Variants in TCEANC2 observed in about 807,000 individuals in gnomAD.
TCEANC2 encodes transcription elongation factor A N-terminal and central domain containing 2, also known as transcription elongation factor A N-terminal and central domain-containing protein 2.
In TCEANC2, 20 loss-of-function variants were observed where a neutral mutation model predicts 22.8. The ratio of observed to expected loss-of-function variants is 0.88; its 90% CI spans 0.62 to 1.28. TCEANC2 has a LOEUF of 1.28. Ranked by LOEUF, TCEANC2 falls within the 50% of genes most tolerant of loss-of-function variation. TCEANC2 has a pLI of 0.00. For synonymous variants in TCEANC2, 84 were observed against 95.5 expected (o/e 0.88, Z 0.70); for missense variants, 251 against 249.7 (o/e 1.01, Z -0.03).
rs767051586 is a variant in TCEANC2, at chr1:54,070,467, G to A, written c.244+1570G>A. 5.9e-5 allele frequency among the ~76,000 whole-genome samples: 9 copies of A among 152,092 alleles called. No homozygotes were observed. The South Asian group carries it at 1.7e-3, about 28-fold the overall frequency. ...AAAAAATAATTTCTATTTGGTGTTC[G>A]AGTGTAATTGTGAGTATGCTTTCAA... On this transcript the variant is annotated intron_variant, in intron 3 of 4. Transcript: ENST00000234827.
At chr1:54,071,799 G>A (rs1180986867) in intron 3 of TCEANC2, among the ~76,000 whole-genome samples, 1 of 151,824 alleles carries the variant, frequency 6.6e-6, no homozygotes, top group Non-Finnish European at 1.5e-5. Context: ...AAAATTTACA[G>A]CAATTATCTT....
At chr1:54,087,474 AT>A (rs1459487073) in intron 3 of TCEANC2, among the ~76,000 whole-genome samples, 1 of 152,178 alleles carries the variant, frequency 6.6e-6, no homozygotes, top group Non-Finnish European at 1.5e-5. Context: ...ACCTTTTGTC[AT>A]TTCAACTCTA....
chr1:54,062,598 A>G (rs532880463), intron 2 of TCEANC2, among the ~76,000 whole-genome samples: 3 of 152,378 alleles, frequency 2.0e-5, no homozygotes, highest in African/African-American at 7.2e-5. Flanking sequence ...TGCAGAAAGC[A>G]TAGATGCAAT....
intron 3 of TCEANC2, among the ~76,000 whole-genome samples, chr1:54,074,868 A>G (rs977671091): frequency 1.3e-5 from 2 of 152,218 alleles, no homozygotes; most frequent in Non-Finnish European, 2.9e-5. Flanking sequence ...GTATTGAAAG[A>G]AAAGAGAGGT....
intron 3 of TCEANC2, among the ~76,000 whole-genome samples, chr1:54,073,436 G>A (rs1350006467): frequency 2.0e-5 from 3 of 152,104 alleles, no homozygotes; most frequent in Non-Finnish European, 2.9e-5. Context: ...TCCCCTCCTC[G>A]CTACTGGCCC....
chr1:54,068,583 C>G (rs897583068), intron 2 of TCEANC2, among the ~76,000 whole-genome samples, 173 bp from the exon 3 acceptor site: 1 of 152,158 alleles, frequency 6.6e-6, no homozygotes, highest in East Asian at 1.9e-4. Context: ...TGCACTAAGC[C>G]GTACCTGCTT....
rs36005233 is a variant in TCEANC2 at position 54,099,743 on chromosome 1, CAAAAA to C, written c.*3283_*3287del. The C allele has an allele frequency of 1.8e-5, 2 of 108,226 alleles. No homozygotes were observed. The highest frequency in any genetic ancestry group is 4.0e-5 in the Non-Finnish European group (2 of 50,186). 6.7% of individuals were successfully genotyped at this position (108,226 alleles called of 1,614,324 possible). A position where few individuals can be genotyped will look rare whatever the true frequency, so the allele number is the denominator to read the frequency against. ...TGGGCAACAGAGTGAGACTCTGTCT[CAAAAA>C]AAAAAAAAAAAAGAGAAAAAGAAAA... On this transcript the variant is annotated 3_prime_UTR_variant, in exon 5 of 5. Coordinates refer to ENST00000234827, the MANE Select transcript of TCEANC2 (RefSeq NM_153035.3).
At chr1:54,110,627 CA>C (rs567691582), downstream of TCEANC2, among the ~76,000 whole-genome samples, 37 of 151,952 alleles carry the variant, frequency 2.4e-4, no homozygotes, top group South Asian at 7.7e-3. Context: ...CAAAACAAAA[CA>C]AAAAAACAAC....
rs1452693137 is a variant in TCEANC2, at chr1:54,100,599, C to T, written c.*4126C>T. On this transcript the variant is annotated 3_prime_UTR_variant, in exon 5 of 5. Coordinates refer to ENST00000234827, the MANE Select transcript of TCEANC2 (RefSeq NM_153035.3). ...AAAGCCAGAAGGATAGGTAGGAGTT[C>T]TTAGCAGAGGGCTCAGTCTATGTGA... 1 of 152,236 alleles carries T rather than the reference C, an allele frequency of 6.6e-6. No homozygotes were observed. Among genetic ancestry groups the T allele is most frequent in the African/African-American group, 2.4e-5 (1 of 41,448 alleles). 9.4% of individuals were successfully genotyped at this position (152,236 alleles called of 1,614,324 possible). A position where few individuals can be genotyped will look rare whatever the true frequency, so the allele number is the denominator to read the frequency against.
chr1:54,072,247 A>G (rs1017815036), intron 3 of TCEANC2, among the ~76,000 whole-genome samples: 2 of 151,874 alleles, frequency 1.3e-5, no homozygotes, highest in African/African-American at 4.8e-5. Context: ...TCCTTGTCTG[A>G]CTCAGCATTG....
chr1:54,067,332 T>C (rs889652866), intron 2 of TCEANC2, among the ~76,000 whole-genome samples: 18 of 151,810 alleles, frequency 1.2e-4, no homozygotes, highest in African/African-American at 4.1e-4. Context: ...CTGTGGGAGG[T>C]GGGTTGCCAA....
At chr1:54,068,931 G>T (rs768007156) in intron 3 of TCEANC2, 34 bp downstream of exon 3, 1 of 1,498,896 alleles carries the variant, frequency 6.7e-7, no homozygotes, top group South Asian at 1.4e-5. Flanking sequence ...TTTTAAGAAA[G>T]CTTATATTTT....
chr1:54,054,540 G>T lies in TCEANC2; in HGVS notation c.102+16G>T, dbSNP rs1453169187. ...ATCTCTGAAGGTGAGAGGGGATCTG[G>T]GGCTAGAGGAAATGTGCAAAGGACT... On this transcript the variant is annotated intron_variant, in intron 2 of 4. Transcript: ENST00000234827. The T allele has an allele frequency of 2.5e-6, 4 of 1,606,402 alleles. No homozygotes were observed. The highest frequency in any genetic ancestry group is 3.4e-6 in the Non-Finnish European group (4 of 1,176,614).
At chr1:54,086,958 A>C (rs1382233006) in intron 3 of TCEANC2, among the ~76,000 whole-genome samples, 1 of 152,228 alleles carries the variant, frequency 6.6e-6, no homozygotes, top group Non-Finnish European at 1.5e-5. Context: ...AACAGACAGC[A>C]CAAGTGCTCA....
chr1:54,098,024 A>G lies in TCEANC2; in HGVS notation c.*1551A>G, dbSNP rs1159575370. On this transcript the variant is annotated 3_prime_UTR_variant, in exon 5 of 5. Transcript: ENST00000234827. ...GATCTAAGATTCAAAATCCGGGTCT[A>G]TTTGATTGTATATGGTTGCCTTGGA... The G allele has an allele frequency of 2.6e-5, 4 of 152,212 alleles. No individual in the cohort carries two copies. The highest frequency in any genetic ancestry group is 6.5e-5 in the Admixed American group (1 of 15,280). The allele number at this position is 152,212 out of a possible 1,614,324, so 9.4% of individuals were successfully genotyped here. A position where few individuals can be genotyped will look rare whatever the true frequency, so the allele number is the denominator to read the frequency against.
chr1:54,108,084 A>G (rs1422125394), downstream of TCEANC2, among the ~76,000 whole-genome samples: 1 of 152,218 alleles, frequency 6.6e-6, no homozygotes, highest in Non-Finnish European at 1.5e-5. Context: ...AACATAATCA[A>G]TATTTATATC....
intron 4 of TCEANC2, among the ~76,000 whole-genome samples, chr1:54,091,439 A>C (rs1658445443): frequency 6.6e-6 from 1 of 152,218 alleles, no homozygotes; most frequent in African/African-American, 2.4e-5. Flanking sequence ...TTATTGGCCC[A>C]GTGACTTAAA....
intron 4 of TCEANC2, among the ~76,000 whole-genome samples, chr1:54,091,141 G>A (rs1057053498): frequency 3.7e-4 from 51 of 139,440 alleles, no homozygotes; most frequent in African/African-American, 1.3e-3. Context: ...TCTCACTGTC[G>A]TCCTTAGCCA....
chr1:54,065,509 G>A (rs1483674713), intron 2 of TCEANC2, among the ~76,000 whole-genome samples: 1 of 152,124 alleles, frequency 6.6e-6, no homozygotes, highest in Non-Finnish European at 1.5e-5. Context: ...CTTGAGCCCA[G>A]GAGTTCAAGA....
Sources: gnomAD v4.1 joint callset for allele counts (sites outside exome capture counted in the v4.1 genomes callset) on GRCh38, gnomAD v4.1.1 for gene constraint, MANE v1.5 for transcripts, NCBI Gene and HGNC (gene_info 2026-07-23, HGNC 2026-07-21) for gene names.